The following HIPK1 variants were observed in gnomAD, a reference collection of about 807,000 sequenced individuals.
HIPK1 encodes the protein homeodomain interacting protein kinase 1.
In HIPK1, 28 loss-of-function variants were observed where a neutral mutation model predicts 117.1. The observed-to-expected ratio is 0.24, with a 90% CI of 0.18 to 0.33. The LOEUF (loss-of-function observed/expected upper bound fraction) is 0.33, where lower values mean the gene tolerates loss of function less well. HIPK1 is among the 10% of genes least tolerant of loss of function. The probability of loss-of-function intolerance (pLI) is 1.00; values close to 1 mark genes in which losing one functional copy is unlikely to be tolerated. For synonymous variants in HIPK1, 605 were observed against 562.5 expected, an observed-to-expected ratio of 1.08 and a Z score of -1.07; for missense variants, 1,122 against 1,475.1, an observed-to-expected ratio of 0.76 and a Z score of 3.92.
chr1:113,963,101 C>T (rs114967112), intron 9 of HIPK1, among the ~76,000 whole-genome samples: 4 of 152,140 alleles, frequency 2.6e-5, no homozygotes, highest in African/African-American at 9.7e-5. Context: ...ATTTTGTGAA[C>T]AGGAGGAAGA....
Position 113,966,248 on chromosome 1 carries a change from G to C in HIPK1, c.2357G>C (p.Ser786Thr), listed in dbSNP as rs760776464. ...PTAMIPEAMG[S>T]GQQLADWRNA... ...GCAATGATTCCAGAGGCCATGGGGA[G>C]TGGACAGCAGCTAGCTGACTGGAGG... Residue 786 changes from serine (S) to threonine (T), a missense_variant, in exon 11 of 16, where the codon AGT (serine) becomes ACT (threonine). Physicochemically the swap from Ser to Thr is moderately conservative, Grantham distance 58. This residue lies in a region of HIPK1 where 731 missense variants were observed against 860.4 expected (regional missense o/e 0.85). Transcript: ENST00000426820. 6.2e-7 allele frequency: 1 copy of C among 1,613,336 alleles called. No individual in the cohort carries two copies. Among genetic ancestry groups the C allele is most frequent in the Non-Finnish European group, 8.5e-7 (1 of 1,179,634 alleles).
intron 2 of HIPK1, among the ~76,000 whole-genome samples, chr1:113,952,310 A>G (rs1421066036): frequency 2.6e-5 from 4 of 151,938 alleles, no homozygotes; most frequent in South Asian, 2.1e-4. Context: ...AAAAAAATCT[A>G]TTATCCCTTA....
chr1:113,970,468 G>A (rs1272656278), intron 14 of HIPK1, among the ~76,000 whole-genome samples: 1 of 152,220 alleles, frequency 6.6e-6, no homozygotes, highest in East Asian at 1.9e-4. Context: ...CAGACAAGAC[G>A]TGTGATATTG....
chr1:113,963,581 T>C lies in HIPK1; in HGVS notation c.2238+60T>C. On this transcript the variant is annotated intron_variant, in intron 10 of 15. Coordinates refer to ENST00000426820, the MANE Select transcript of HIPK1 (RefSeq NM_198268.3). Reference sequence around the variant, plus strand: ...GTTTCTTTGGTTTCTTTCTTTTTTGTTTTTTCCTGTTTGTTTTTGTTCTGT... The same window carrying C: ...GTTTCTTTGGTTTCTTTCTTTTTTGCTTTTTCCTGTTTGTTTTTGTTCTGT... 3 of 1,545,748 alleles carry C rather than the reference T, an allele frequency of 1.9e-6. No homozygotes were observed. The Admixed American group carries it at 6.7e-5, about 34-fold the overall frequency.
At chr1:113,933,928 GC>G (rs913213477) in intron 1 of HIPK1, among the ~76,000 whole-genome samples, 43 of 152,252 alleles carry the variant, frequency 2.8e-4, no homozygotes, top group Middle Eastern at 3.4e-3. Context: ...ATGGGATTGT[GC>G]AGTAGGGGTG....
chr1:113,958,708 A>T (rs1012883580), intron 8 of HIPK1, among the ~76,000 whole-genome samples: 1 of 152,266 alleles, frequency 6.6e-6, no homozygotes, highest in African/African-American at 2.4e-5. Flanking sequence ...CCCAATAAAA[A>T]GTGATTTTAT....
In HIPK1 at chr1:113,975,644, A is replaced by C. The variant is rs1673101693; in HGVS notation, c.*2132A>C. On this transcript the variant is annotated 3_prime_UTR_variant, in exon 16 of 16. Coordinates refer to ENST00000426820, the MANE Select transcript of HIPK1 (RefSeq NM_198268.3). ...TACCAAAGAGCCTGTTGTATTGCTT[A>C]CCATGTCCCCATACTATGAGGAGAA... 6.5e-6 allele frequency: 1 copy of C among 152,758 alleles called. No individual in the cohort carries two copies. The highest frequency in any genetic ancestry group is 1.5e-5 in the Non-Finnish European group (1 of 68,038). 9.5% of individuals were successfully genotyped at this position (152,758 alleles called of 1,614,324 possible).
intron 2 of HIPK1, among the ~76,000 whole-genome samples, chr1:113,943,302 A>G (rs1670771008): frequency 6.6e-6 from 1 of 152,134 alleles, no homozygotes. Context: ...TCTTCTTCCT[A>G]CCACTGGTAA....
chr1:113,939,541 G>T (rs893674087), intron 1 of HIPK1, among the ~76,000 whole-genome samples: 1 of 152,038 alleles, frequency 6.6e-6, no homozygotes, highest in Non-Finnish European at 1.5e-5. Flanking sequence ...CCAAGTTGCA[G>T]GGTTAAGTAG....
chr1:113,944,892 G>C (rs1045393801), intron 2 of HIPK1, among the ~76,000 whole-genome samples: 1 of 152,146 alleles, frequency 6.6e-6, no homozygotes, highest in African/African-American at 2.4e-5. Flanking sequence ...TTGTCACCCA[G>C]GCTGGGGTGC....
chr1:113,949,868 T>C (rs1364680302), intron 2 of HIPK1, among the ~76,000 whole-genome samples: 1 of 152,012 alleles, frequency 6.6e-6, no homozygotes, highest in East Asian at 1.9e-4. Flanking sequence ...CCAAAGTGCT[T>C]GTATTACAGG....
chr1:113,956,370 C>T (rs770388707), intron 5 of HIPK1, among the ~76,000 whole-genome samples: 18 of 152,212 alleles, frequency 1.2e-4, no homozygotes, highest in South Asian at 2.1e-4. Context: ...TGAGCCACCG[C>T]GCCCAGCCCC....
At position 113,974,394 on chromosome 1, in the gene HIPK1, A is replaced by G. The variant is rs1334175452; in HGVS notation, c.*882A>G. ...AAGCCATTAAGGTGGTTATTATTAC[A>G]TGGTGGTGGTGGTTTTATTATATGC... On this transcript the variant is annotated 3_prime_UTR_variant, in exon 16 of 16. Coordinates refer to ENST00000426820, the MANE Select transcript of HIPK1 (RefSeq NM_198268.3). 1.3e-5 allele frequency: 2 copies of G among 152,768 alleles called. No individual in the cohort carries two copies. Among genetic ancestry groups the G allele is most frequent in the African/African-American group, 2.4e-5 (1 of 41,450 alleles). The allele number at this position is 152,768 out of a possible 1,614,324, so 9.5% of individuals were successfully genotyped here.
intron 15 of HIPK1, 33 bp from the exon 16 acceptor site, chr1:113,972,991 C>T (rs762747817): frequency 2.0e-6 from 3 of 1,512,860 alleles, no homozygotes; most frequent in Non-Finnish European, 2.7e-6. Context: ...GGAGTGACCT[C>T]AGGATTCCTC....
chr1:113,966,176 G>T lies in HIPK1; in HGVS notation c.2285G>T (p.Trp762Leu), dbSNP rs747844389. The change falls in exon 11 of 16, where the codon TGG becomes TTG. Residue 762 changes from tryptophan to leucine, a missense_variant. Trp to Leu is a moderately conservative substitution (Grantham distance 61). This residue lies in a region of HIPK1 where 731 missense variants were observed against 860.4 expected (regional missense o/e 0.85). Coordinates refer to ENST00000426820, the MANE Select transcript of HIPK1 (RefSeq NM_198268.3). ...GTQQILLPST[W>L]QQLPGVALHN... Reference sequence around the variant, plus strand: ...CAGCAAATTCTCCTGCCTTCAACTTGGCAACAGTTGCCTGGGGTAGCTCTA... The same window carrying T: ...CAGCAAATTCTCCTGCCTTCAACTTTGCAACAGTTGCCTGGGGTAGCTCTA... 6.2e-7 allele frequency: 1 copy of T among 1,613,670 alleles called. No homozygotes were observed. Among genetic ancestry groups the T allele is most frequent in the South Asian group, 1.1e-5 (1 of 90,988 alleles).
At position 113,940,794 on chromosome 1, in the gene HIPK1, G is replaced by A. The variant is rs1670596895; in HGVS notation, c.411G>A (p.Gln137=). Reference sequence around the variant, plus strand: ...AAGTTGACAGCAACGGTAGTGTGCAGATCATAGAAGAACATCCCCCTCTCA... The same window carrying A: ...AAGTTGACAGCAACGGTAGTGTGCAAATCATAGAAGAACATCCCCCTCTCA... ...SEEVDSNGSV[Q]IIEEHPPLML... is the part of the protein sequence containing the mutation. The change falls in exon 2 of 16, where the codon CAG becomes CAA. Residue 137 remains glutamine (Q), a synonymous_variant. Transcript: ENST00000426820. The A allele has an allele frequency of 6.2e-7, 1 of 1,614,110 alleles. No individual in the cohort carries two copies. Among genetic ancestry groups the A allele is most frequent in the Non-Finnish European group, 8.5e-7 (1 of 1,180,044 alleles).
rs534577317 is a variant in HIPK1, at chr1:113,966,371, A to T, written c.2381+99A>T. ...GAGAGACTAGTAAGAAAATAAAGGA[A>T]AATTTGACACTGTTGGAATCCTTTA... On this transcript the variant is annotated intron_variant, in intron 11 of 15. Transcript: ENST00000426820. 58 of 1,135,420 alleles carry T rather than the reference A, an allele frequency of 5.1e-5. No homozygotes were observed. The African/African-American group carries it at 8.6e-4, about 17-fold the overall frequency. 70.3% of individuals were successfully genotyped at this position (1,135,420 alleles called of 1,614,324 possible). A position where few individuals can be genotyped will look rare whatever the true frequency, so the allele number is the denominator to read the frequency against.
At position 113,941,978 on chromosome 1, in the gene HIPK1, G is replaced by T. The variant is rs1558129259; in HGVS notation, c.1076+519G>T. 6.6e-6 allele frequency among the ~76,000 whole-genome samples: 1 copy of T among 151,490 alleles called. No individual in the cohort carries two copies. Among genetic ancestry groups the T allele is most frequent in the Non-Finnish European group, 1.5e-5 (1 of 67,944 alleles). On this transcript the variant is annotated intron_variant, in intron 2 of 15. Coordinates refer to ENST00000426820, the MANE Select transcript of HIPK1 (RefSeq NM_198268.3). This position sits in a 1 kb window ranked among gnomAD's most constrained non-coding sequence, Gnocchi z 4.9. ...GGGTTTCACCGTGTTAGCCAGGATG[G>T]TCTCGATATCCTGACCTCGTGATCC...
At chr1:113,931,806 TGTTA>T (rs370861262) in intron 1 of HIPK1, among the ~76,000 whole-genome samples, 1 of 152,252 alleles carries the variant, frequency 6.6e-6, no homozygotes, top group Non-Finnish European at 1.5e-5. Context: ...TTGTGCAGCT[TGTTA>T]GTTATATATT....
Sources: gnomAD v4.1 joint callset for allele counts (sites outside exome capture counted in the v4.1 genomes callset) on GRCh38, gnomAD v4.1.1 for gene constraint, gnomAD v4.1.1 regional missense constraint, Gnocchi (gnomAD v3.1) non-coding constraint, MANE v1.5 for transcripts, NCBI Gene and HGNC (gene_info 2026-07-23, HGNC 2026-07-21) for gene names.